MAN1A2: variants seen among roughly 807,000 people sequenced by gnomAD.
MAN1A2 encodes mannosyl-oligosaccharide 1,2-alpha-mannosidase IB.
Under a neutral mutation model 75.7 loss-of-function variants are expected in MAN1A2, and 26 were observed. The ratio of observed to expected loss-of-function variants is 0.34; its 90% CI spans 0.25 to 0.48. The LOEUF is 0.48. Ranked by LOEUF, MAN1A2 falls within the 20% of genes least tolerant of loss-of-function variation. The probability of loss-of-function intolerance (pLI) is 0.99; values close to 1 mark genes in which losing one functional copy is unlikely to be tolerated. For missense variants in MAN1A2, 562 were observed against 775.5 expected, an observed-to-expected ratio of 0.72 and a Z score of 3.27; for synonymous variants, 247 against 264.6, an observed-to-expected ratio of 0.93 and a Z score of 0.65.
intron 1 of MAN1A2, among the ~76,000 whole-genome samples, chr1:117,382,931 T>C (rs1653400591): frequency 6.6e-6 from 1 of 152,232 alleles, no homozygotes; most frequent in Admixed American, 6.5e-5. Context: ...AATCATTTTA[T>C]GAGTTCATTG....
intron 8 of MAN1A2, among the ~76,000 whole-genome samples, chr1:117,492,391 G>T (rs1650909319): frequency 6.6e-6 from 1 of 152,040 alleles, no homozygotes; most frequent in Non-Finnish European, 1.5e-5. Flanking sequence ...TGCATTTTTA[G>T]CAATAAAGTA....
rs888403969 is a variant in MAN1A2 at position 117,388,040 on chromosome 1, A to G, written c.303-14146A>G. On this transcript the variant is annotated intron_variant, in intron 1 of 12. Coordinates refer to ENST00000356554, the MANE Select transcript of MAN1A2 (RefSeq NM_006699.5). ...TCACTTTGGGAATTAGGGGTTCAAC[A>G]TATGAATTTTGGGGGGACACAAACA... Among the ~76,000 whole-genome samples, 87 of 148,356 alleles carry G rather than the reference A, an allele frequency of 5.9e-4. 1 individual carries two copies. The highest frequency in any genetic ancestry group is 2.1e-3 in the African/African-American group (84 of 40,002).
chr1:117,526,880 C>CTCTCTCTCTCTCTATATA lies in MAN1A2; in HGVS notation c.*3924_*3925insCTCTCTCTCTCTATATAT. The CTCTCTCTCTCTCTATATA allele has an allele frequency of 6.2e-4, 34 of 54,512 alleles. No homozygotes were observed. Among genetic ancestry groups the CTCTCTCTCTCTCTATATA allele is most frequent in the South Asian group, 1.3e-3 (2 of 1,564 alleles). 3.4% of individuals were successfully genotyped at this position (54,512 alleles called of 1,614,324 possible). A position where few individuals can be genotyped will look rare whatever the true frequency, so the allele number is the denominator to read the frequency against. ...TCTCTCTCTCTCTCTCTCTCTCTCT[C>CTCTCTCTCTCTCTATATA]TATATATATATATATATATATATAT... On this transcript the variant is annotated 3_prime_UTR_variant, in exon 13 of 13. Transcript: ENST00000356554.
intron 3 of MAN1A2, among the ~76,000 whole-genome samples, chr1:117,408,262 TAACCTGGGC>T (rs1204190503): frequency 2.2e-5 from 3 of 138,280 alleles, no homozygotes; most frequent in Non-Finnish European, 4.6e-5. Context: ...CACTGTGCCC[TAACCTGGGC>T]AACATAGCAA....
At chr1:117,464,924 G>T (rs1187421095) in intron 7 of MAN1A2, among the ~76,000 whole-genome samples, 1 of 152,068 alleles carries the variant, frequency 6.6e-6, no homozygotes, top group Non-Finnish European at 1.5e-5. Context: ...TTTATACAAA[G>T]ATATTACCAG....
At chr1:117,469,815 GA>G (rs1650092292) in intron 8 of MAN1A2, among the ~76,000 whole-genome samples, 1 of 152,122 alleles carries the variant, frequency 6.6e-6, no homozygotes, top group South Asian at 2.1e-4. Flanking sequence ...TCAAAAGGAT[GA>G]AAAATAAGCA....
intron 5 of MAN1A2, among the ~76,000 whole-genome samples, chr1:117,438,489 G>A (rs1214356203): frequency 6.6e-6 from 1 of 152,114 alleles, no homozygotes; most frequent in Admixed American, 6.5e-5. Flanking sequence ...AATTAGTGTA[G>A]CCTAAGTGTA....
intron 8 of MAN1A2, among the ~76,000 whole-genome samples, chr1:117,467,623 T>C (rs1650021523): frequency 6.6e-6 from 1 of 152,094 alleles, no homozygotes; most frequent in Non-Finnish European, 1.5e-5. Context: ...CTAGACTGAG[T>C]GGGAATGATA....
chr1:117,416,521 A>G (rs1195983876), intron 4 of MAN1A2, among the ~76,000 whole-genome samples: 1 of 152,218 alleles, frequency 6.6e-6, no homozygotes, highest in South Asian at 2.1e-4. Context: ...ATAATGGCTA[A>G]TAATTCCCTT....
rs902815262 is a variant in MAN1A2, at chr1:117,524,815, A to G, written c.*1858A>G. ...TTATAGCACATGTTTTGACATTGTAATATCTTTTACTACTTGAACATTTAA... is the reference window on the plus strand; with the variant it reads ...TTATAGCACATGTTTTGACATTGTAGTATCTTTTACTACTTGAACATTTAA... On this transcript the variant is annotated 3_prime_UTR_variant, in exon 13 of 13. Coordinates refer to ENST00000356554, the MANE Select transcript of MAN1A2 (RefSeq NM_006699.5). The G allele has an allele frequency of 5.3e-6, 1 of 189,228 alleles. No individual in the cohort carries two copies. Among genetic ancestry groups the G allele is most frequent in the African/African-American group, 2.3e-5 (1 of 42,970 alleles). 11.7% of individuals were successfully genotyped at this position (189,228 alleles called of 1,614,324 possible).
chr1:117,417,698 A>T (rs1219075156), intron 4 of MAN1A2, among the ~76,000 whole-genome samples: 2 of 147,898 alleles, frequency 1.4e-5, no homozygotes, highest in African/African-American at 5.2e-5. Context: ...GTGCACACAC[A>T]CACACACACT....
chr1:117,458,493 A>ATATG (rs1649676484), intron 6 of MAN1A2, among the ~76,000 whole-genome samples: 1 of 73,890 alleles, frequency 1.4e-5, no homozygotes, highest in African/African-American at 6.0e-5. Context: ...AAATATATAT[A>ATATG]TATCTATATA....
At chr1:117,382,790 A>G (rs541607167) in intron 1 of MAN1A2, among the ~76,000 whole-genome samples, 5 of 152,058 alleles carry the variant, frequency 3.3e-5, no homozygotes, top group African/African-American at 1.2e-4. Flanking sequence ...CCATTTTCAC[A>G]ATATTGATTC....
At chr1:117,401,968 TAAAG>T (rs1414939401) in intron 1 of MAN1A2, among the ~76,000 whole-genome samples, 1 of 152,158 alleles carries the variant, frequency 6.6e-6, no homozygotes, top group Non-Finnish European at 1.5e-5. Flanking sequence ...GGAAATTGTA[TAAAG>T]AGATTATAAA....
At chr1:117,446,037 G>T (rs1368669834) in intron 6 of MAN1A2, among the ~76,000 whole-genome samples, 7 of 149,624 alleles carry the variant, frequency 4.7e-5, no homozygotes, top group Non-Finnish European at 8.9e-5. Flanking sequence ...TAATTTTAAA[G>T]AAATTTCTTC....
chr1:117,484,260 C>T (rs908599795), intron 8 of MAN1A2, among the ~76,000 whole-genome samples: 4 of 151,878 alleles, frequency 2.6e-5, no homozygotes, highest in African/African-American at 9.7e-5. Context: ...CAGTACTGTA[C>T]TGTGTTTATT....
chr1:117,397,783 C>T (rs543278969), intron 1 of MAN1A2, among the ~76,000 whole-genome samples: 2 of 151,396 alleles, frequency 1.3e-5, no homozygotes, highest in South Asian at 4.2e-4. Context: ...TCCTGAGTAG[C>T]TGGGATTACA....
intron 6 of MAN1A2, among the ~76,000 whole-genome samples, chr1:117,456,098 G>C (rs1557958084): frequency 6.6e-6 from 1 of 152,014 alleles, no homozygotes; most frequent in East Asian, 1.9e-4. Flanking sequence ...TTCAACCTTT[G>C]TTAATGTGCC....
At chr1:117,394,950 A>C (rs1653860514) in intron 1 of MAN1A2, among the ~76,000 whole-genome samples, 1 of 152,170 alleles carries the variant, frequency 6.6e-6, no homozygotes, top group Non-Finnish European at 1.5e-5. Context: ...GAAAGAGTGA[A>C]TATAAAGGAA....
Sources: allele counts gnomAD v4.1 joint callset (sites outside exome capture counted in the v4.1 genomes callset), GRCh38; gene constraint gnomAD v4.1.1; transcripts MANE v1.5; gene names NCBI Gene and HGNC (gene_info 2026-07-23, HGNC 2026-07-21).